Variants in FGD5 observed in about 807,000 individuals in gnomAD.
FGD5 encodes the protein FYVE, RhoGEF and PH domain containing 5.
In FGD5, 28 loss-of-function variants were observed where a neutral mutation model predicts 133.4. The observed-to-expected ratio is 0.21, with a 90% CI of 0.16 to 0.29. The LOEUF (loss-of-function observed/expected upper bound fraction) is 0.29, where lower values mean the gene tolerates loss of function less well. Among genes scored for constraint, FGD5 ranks in the 10% least tolerant of loss-of-function variants. FGD5 has a pLI of 1.00. For missense variants in FGD5, 1,858 were observed against 1,895.2 expected, an observed-to-expected ratio of 0.98 and a Z score of 0.36; for synonymous variants, 810 against 776.5, an observed-to-expected ratio of 1.04 and a Z score of -0.72.
At chr3:14,931,054 T>C (rs148544788) in intron 18 of FGD5, 1 of 152,290 alleles carries the variant, frequency 6.6e-6, no homozygotes, top group African/African-American at 2.4e-5. Flanking sequence ...AATGTAATAG[T>C]TATGGTCTCC....
At chr3:14,871,943 G>A (rs1465946817) in intron 2 of FGD5, among the ~76,000 whole-genome samples, 2 of 152,256 alleles carry the variant, frequency 1.3e-5, no homozygotes, top group Non-Finnish European at 2.9e-5. Flanking sequence ...TGGACGAACA[G>A]CACCCTAGCA....
chr3:14,918,883 G>A lies in FGD5; in HGVS notation c.3569+50G>A, dbSNP rs185155529. ...GCGCACAAGGCAGAGGTGTGAGCAT[G>A]GGAAGGTTCAGAACAACAGATAAGG... On this transcript the variant is annotated intron_variant, in intron 13 of 19. Transcript: ENST00000285046. 2.5e-5 allele frequency: 40 copies of A among 1,595,002 alleles called. No individual in the cohort carries two copies. In the Middle Eastern group the frequency reaches 1.0e-3, roughly 40 times the overall value.
intron 13 of FGD5, among the ~76,000 whole-genome samples, chr3:14,919,767 C>A (rs567197843): frequency 6.6e-6 from 1 of 152,190 alleles, no homozygotes; most frequent in East Asian, 1.9e-4. Context: ...GGTTCAAAGA[C>A]GGTGCCTTCT....
chr3:14,851,600 G>A (rs2037166348), intron 1 of FGD5, among the ~76,000 whole-genome samples: 1 of 152,168 alleles, frequency 6.6e-6, no homozygotes, highest in Non-Finnish European at 1.5e-5. Flanking sequence ...CAAAGACAGA[G>A]CCTGAGACAC....
chr3:14,876,462 T>C (rs1177758137), intron 2 of FGD5, among the ~76,000 whole-genome samples: 1 of 152,218 alleles, frequency 6.6e-6, no homozygotes, highest in Non-Finnish European at 1.5e-5. Context: ...AAACATCTTT[T>C]AATGCATTTT....
chr3:14,917,254 C>G lies in FGD5; in HGVS notation c.3411C>G (p.Asn1137Lys). The change falls in exon 12 of 20, where the codon AAC (asparagine) becomes AAG (lysine). Residue 1137 changes from asparagine to lysine, a missense_variant. Coordinates refer to ENST00000285046, the MANE Select transcript of FGD5 (RefSeq NM_152536.4). This position sits in a 1 kb window ranked among gnomAD's most constrained non-coding sequence, Gnocchi z 4.1. ...NRRPRHLFLM[N>K]DVLLYTYPQK... is the part of the protein sequence containing the mutation. ...TAGGGTTTCCCTCTCTCCAGATGAA[C>G]GATGTGCTCCTGTACACCTATCCCC... 6.2e-7 allele frequency: 1 copy of G among 1,613,262 alleles called. No homozygotes were observed. The highest frequency in any genetic ancestry group is 8.5e-7 in the Non-Finnish European group (1 of 1,179,640).
intron 1 of FGD5, among the ~76,000 whole-genome samples, chr3:14,823,988 C>T (rs1377440389): frequency 6.6e-6 from 1 of 152,268 alleles, no homozygotes; most frequent in Non-Finnish European, 1.5e-5. Flanking sequence ...GCTTTCTTTG[C>T]ATTAGCTCAC....
At chr3:14,898,509 G>C (rs917014365) in intron 6 of FGD5, among the ~76,000 whole-genome samples, 1 of 152,128 alleles carries the variant, frequency 6.6e-6, no homozygotes, top group Non-Finnish European at 1.5e-5. Flanking sequence ...GGAGAGGCTT[G>C]ATACTGAGTG....
At chr3:14,863,039 G>C (rs888629931) in intron 1 of FGD5, among the ~76,000 whole-genome samples, 1 of 152,060 alleles carries the variant, frequency 6.6e-6, no homozygotes, top group East Asian at 1.9e-4. Context: ...TCCCCCACCC[G>C]CCTCACTTCC....
intron 1 of FGD5, among the ~76,000 whole-genome samples, chr3:14,813,836 A>G (rs577304724): frequency 1.3e-5 from 2 of 152,346 alleles, no homozygotes; most frequent in South Asian, 2.1e-4. Flanking sequence ...TTGAACTTCT[A>G]CATAGCCAAC....
At chr3:14,880,830 A>C in intron 4 of FGD5, 58 bp downstream of exon 4, 1 of 1,588,792 alleles carries the variant, frequency 6.3e-7, no homozygotes, top group Non-Finnish European at 8.6e-7. Context: ...TCTGTGATAT[A>C]AGAGGCAGGA....
intron 18 of FGD5, chr3:14,931,574 T>A (rs577447486): frequency 6.6e-6 from 1 of 152,360 alleles, no homozygotes; most frequent in African/African-American, 2.4e-5. Context: ...TCTTTATGTG[T>A]TTTTACAAAG....
intron 1 of FGD5, among the ~76,000 whole-genome samples, chr3:14,846,569 C>G (rs189142008): frequency 1.3e-5 from 2 of 152,372 alleles, no homozygotes; most frequent in Non-Finnish European, 2.9e-5. Context: ...ACTGCTCACA[C>G]GGCACCCCAG....
intron 1 of FGD5, among the ~76,000 whole-genome samples, chr3:14,845,645 T>C (rs1327699518): frequency 6.6e-6 from 1 of 152,182 alleles, no homozygotes; most frequent in Non-Finnish European, 1.5e-5. Flanking sequence ...ACCCAGACCC[T>C]GGAGCCTGGT....
At chr3:14,817,958 A>G (rs1465535217), upstream of FGD5, among the ~76,000 whole-genome samples, 4 of 152,154 alleles carry the variant, frequency 2.6e-5, no homozygotes, top group African/African-American at 9.7e-5. Context: ...TAGCAGAGAG[A>G]TGCTGAGCTC....
intron 9 of FGD5, among the ~76,000 whole-genome samples, chr3:14,903,198 C>T (rs764972876): frequency 2.6e-5 from 4 of 152,210 alleles, no homozygotes; most frequent in Admixed American, 6.5e-5. Flanking sequence ...TTCCAGTCTG[C>T]ACCCCAGCCG....
intron 4 of FGD5, among the ~76,000 whole-genome samples, chr3:14,890,104 G>A (rs1354777973): frequency 2.0e-5 from 3 of 151,944 alleles, no homozygotes; most frequent in Non-Finnish European, 2.9e-5. Flanking sequence ...TTGCACACAC[G>A]GCCACACACT....
intron 1 of FGD5, among the ~76,000 whole-genome samples, chr3:14,856,304 T>C (rs1038682440): frequency 5.9e-5 from 9 of 152,214 alleles, no homozygotes; most frequent in Non-Finnish European, 1.3e-4. Flanking sequence ...AGTCTGGTAA[T>C]GTGGTGCCCC....
chr3:14,898,040 T>C lies in FGD5; in HGVS notation c.3011T>C (p.Leu1004Pro). Residue 1004 changes from leucine to proline, a missense_variant, in exon 6 of 20, where the codon CTC becomes CCC. Physicochemically the swap from Leu to Pro is moderately conservative, Grantham distance 98 (BLOSUM62 -3). Transcript: ENST00000285046. ...ILQFDRYLGL[L>P]SENCLHSPRL... ...CAGTTCGACAGGTACCTAGGTCTGC[T>C]CAGTGAGAATTGCCTCCACTCTCCC... 6.2e-7 allele frequency: 1 copy of C among 1,613,962 alleles called. No homozygotes were observed. Among genetic ancestry groups the C allele is most frequent in the Non-Finnish European group, 8.5e-7 (1 of 1,179,864 alleles).
Sources: allele counts gnomAD v4.1 joint callset (sites outside exome capture counted in the v4.1 genomes callset), GRCh38; gene constraint gnomAD v4.1.1; non-coding constraint Gnocchi (gnomAD v3.1); transcripts MANE v1.5; gene names NCBI Gene and HGNC (gene_info 2026-07-23, HGNC 2026-07-21).